Variants in HEATR5A observed in about 807,000 individuals in gnomAD.
HEATR5A encodes HEAT repeat containing 5A, also known as HEAT repeat-containing protein 5A.
In HEATR5A, 178 loss-of-function variants were observed where a neutral mutation model predicts 218.8. The ratio of observed to expected loss-of-function variants is 0.81; its 90% CI spans 0.72 to 0.92. The LOEUF is 0.92. HEATR5A is among the 40% of genes least tolerant of loss of function. The pLI, the probability that HEATR5A is intolerant of heterozygous loss-of-function variation, is 0.00. For synonymous variants in HEATR5A, 864 were observed against 871.6 expected (o/e 0.99, Z 0.15); for missense variants, 2,420 against 2,418.9 (o/e 1.00, Z -0.01).
chr14:31,323,682 C>G lies in HEATR5A; in HGVS notation c.3670G>C (p.Ala1224Pro). ...CATTCAGCAGCAAAGACTCTAGTAG[C>G]CCATCGGGGATTGGTAAAAGGATGG... Reference protein sequence around the residue: ...KSHPFTNPRWATRVFAAECVC... With the variant: ...KSHPFTNPRWPTRVFAAECVC... The change falls in exon 24 of 36, where the codon GCT becomes CCT. Residue 1224 changes from alanine (A) to proline (P), a missense_variant. Coordinates refer to ENST00000543095, the MANE Select transcript of HEATR5A (RefSeq NM_015473.4). The G allele has an allele frequency of 6.2e-7, 1 of 1,613,700 alleles. No homozygotes were observed. The highest frequency in any genetic ancestry group is 8.5e-7 in the Non-Finnish European group (1 of 1,179,778).
chr14:31,364,417 G>A, intron 13 of HEATR5A, 119 bp from the exon 14 acceptor site: 1 of 566,050 alleles, frequency 1.8e-6, no homozygotes, highest in Non-Finnish European at 3.1e-6. Flanking sequence ...AAACATTAGT[G>A]CTGCTTTACT....
chr14:31,418,786 T>G (rs1359781493), intron 1 of HEATR5A, among the ~76,000 whole-genome samples: 1 of 152,222 alleles, frequency 6.6e-6, no homozygotes, highest in Non-Finnish European at 1.5e-5. Context: ...ATTAAACGCT[T>G]AATTCAGAAT....
intron 14 of HEATR5A, among the ~76,000 whole-genome samples, chr14:31,362,141 G>A (rs1251744263): frequency 6.6e-6 from 1 of 151,828 alleles, no homozygotes; most frequent in Non-Finnish European, 1.5e-5. Flanking sequence ...ATTATTTTGT[G>A]TATTTTTAGT....
intron 29 of HEATR5A, among the ~76,000 whole-genome samples, chr14:31,308,710 T>C (rs774051417): frequency 6.6e-6 from 1 of 152,116 alleles, no homozygotes; most frequent in African/African-American, 2.4e-5. Flanking sequence ...ATTCTCGTAA[T>C]AGTTGACAAA....
intron 27 of HEATR5A, among the ~76,000 whole-genome samples, chr14:31,313,729 G>A (rs1899830129): frequency 6.6e-6 from 1 of 152,044 alleles, no homozygotes; most frequent in Non-Finnish European, 1.5e-5. Flanking sequence ...AAACTAATCT[G>A]GTGGAAAACT....
chr14:31,306,946 A>G (rs1899573736), intron 30 of HEATR5A, 67 bp from the exon 31 acceptor site: 2 of 1,264,458 alleles, frequency 1.6e-6, no homozygotes, highest in Admixed American at 2.7e-5. Context: ...AAAAATACCA[A>G]TGCTAAATGC....
chr14:31,409,143 G>C (rs957708684), intron 1 of HEATR5A, among the ~76,000 whole-genome samples: 1 of 146,380 alleles, frequency 6.8e-6, no homozygotes, highest in Non-Finnish European at 1.5e-5. Context: ...CGCCTCCCGG[G>C]TTCAAGTGAT....
At chr14:31,295,271 C>T (rs1037754942) in intron 34 of HEATR5A, among the ~76,000 whole-genome samples, 4 of 151,870 alleles carry the variant, frequency 2.6e-5, no homozygotes, top group Non-Finnish European at 4.4e-5. Context: ...TTTGAGACAG[C>T]GTCTGGCTCT....
chr14:31,301,989 G>C (rs886507957), intron 33 of HEATR5A, among the ~76,000 whole-genome samples: 2 of 149,962 alleles, frequency 1.3e-5, no homozygotes, highest in Admixed American at 6.6e-5. Context: ...TGTGCCACCA[G>C]AATCGGCTGA....
intron 6 of HEATR5A, among the ~76,000 whole-genome samples, chr14:31,390,787 AAAC>A (rs903856846): frequency 6.6e-6 from 1 of 151,954 alleles, no homozygotes; most frequent in Non-Finnish European, 1.5e-5. Context: ...ACTTGATAAT[AAAC>A]AACTGTTACT....
In HEATR5A at chr14:31,345,221, T is replaced by C. The variant is rs371331992; in HGVS notation, c.2924A>G (p.Tyr975Cys). 6.1e-5 allele frequency: 99 copies of C among 1,612,266 alleles called. No individual in the cohort carries two copies. Among genetic ancestry groups the C allele is most frequent in the Middle Eastern group, 3.3e-4 (2 of 6,082 alleles). Residue 975 changes from tyrosine to cysteine, a missense_variant, in exon 20 of 36, where the codon TAT becomes TGT. Tyr to Cys is a radical substitution (Grantham distance 194, BLOSUM62 -2). Transcript: ENST00000543095. ...AGAAAGGGTAGGTTCCACATGCACATAATAGAGTGGGCCAGCAGAATCAAT... is the reference window on the plus strand; with the variant it reads ...AGAAAGGGTAGGTTCCACATGCACACAATAGAGTGGGCCAGCAGAATCAAT... ...LIIDSAGPLYYVHVEPTLSLI... is the reference protein window; with the variant it reads ...LIIDSAGPLYCVHVEPTLSLI...
At chr14:31,393,197 T>G (rs2030519126) in intron 6 of HEATR5A, among the ~76,000 whole-genome samples, 1 of 152,064 alleles carries the variant, frequency 6.6e-6, no homozygotes, top group East Asian at 1.9e-4. Context: ...TCACAATTAC[T>G]TTAAAAAAAA....
intron 22 of HEATR5A, among the ~76,000 whole-genome samples, chr14:31,327,295 T>C (rs927216175): frequency 7.4e-6 from 1 of 134,556 alleles, no homozygotes; most frequent in African/African-American, 3.0e-5. Flanking sequence ...ACTTTTTTTT[T>C]TTTTTTTTTT....
At position 31,380,595 on chromosome 14, in the gene HEATR5A, C is replaced by T. The variant is rs781009371; in HGVS notation, c.1597-17G>A. 4.0e-6 allele frequency: 6 copies of T among 1,495,770 alleles called. No homozygotes were observed. The highest frequency in any genetic ancestry group is 5.5e-6 in the Non-Finnish European group (6 of 1,097,284). 92.7% of individuals were successfully genotyped at this position (1,495,770 alleles called of 1,614,324 possible). A position where few individuals can be genotyped will look rare whatever the true frequency, so the allele number is the denominator to read the frequency against. On this transcript the variant is annotated splice_polypyrimidine_tract_variant and intron_variant, in intron 10 of 35. Transcript: ENST00000543095. ...CATAATAATCTATTTACATATAGAA[C>T]AAGTTTTAAAAAAAGCATATCAGTT...
rs763891115 is a variant in HEATR5A, at chr14:31,337,565, C to T, written c.3278G>A (p.Cys1093Tyr). ...YLLLRRAVLA[C>Y]LRQLVQREAA... ...TTCTCTTTGTACAAGCTGACGTAAGCAAGCCAGTACTGCTCTTCTCAGTAA... is the reference window on the plus strand; with the variant it reads ...TTCTCTTTGTACAAGCTGACGTAAGTAAGCCAGTACTGCTCTTCTCAGTAA... Residue 1093 changes from cysteine (C) to tyrosine (Y), a missense_variant, in exon 22 of 36, where the codon TGC becomes TAC. Transcript: ENST00000543095. 3 of 1,591,268 alleles carry T rather than the reference C, an allele frequency of 1.9e-6. No homozygotes were observed. Among genetic ancestry groups the T allele is most frequent in the South Asian group, 1.1e-5 (1 of 87,400 alleles).
At chr14:31,374,745 A>G (rs1471765275) in intron 12 of HEATR5A, 71 bp downstream of exon 12, 12 of 1,399,012 alleles carry the variant, frequency 8.6e-6, no homozygotes, top group Non-Finnish European at 1.2e-5. Flanking sequence ...AAAACATACA[A>G]GTACATGTTA....
At chr14:31,362,313 T>C (rs1169813076) in intron 14 of HEATR5A, among the ~76,000 whole-genome samples, 1 of 151,892 alleles carries the variant, frequency 6.6e-6, no homozygotes, top group African/African-American at 2.4e-5. Flanking sequence ...CCTGACTTTG[T>C]CTCCTAATGA....
chr14:31,302,995 C>G (rs987767114), intron 32 of HEATR5A, among the ~76,000 whole-genome samples: 1 of 150,942 alleles, frequency 6.6e-6, no homozygotes, highest in Non-Finnish European at 1.5e-5. Flanking sequence ...GCCTGTGGTC[C>G]CAGCTACTCA....
At chr14:31,408,198 G>T (rs2031147884) in intron 1 of HEATR5A, among the ~76,000 whole-genome samples, 1 of 152,100 alleles carries the variant, frequency 6.6e-6, no homozygotes, top group Non-Finnish European at 1.5e-5. Flanking sequence ...TAGACCTAAG[G>T]TACCAAGGTA....
Sources: gnomAD v4.1 joint callset for allele counts (sites outside exome capture counted in the v4.1 genomes callset) on GRCh38, gnomAD v4.1.1 for gene constraint, MANE v1.5 for transcripts, NCBI Gene and HGNC (gene_info 2026-07-23, HGNC 2026-07-21) for gene names.